Variants in ZFHX3 observed in about 807,000 individuals in gnomAD.
ZFHX3 encodes the protein zinc finger homeobox protein 3.
In ZFHX3, 42 loss-of-function variants were observed where a neutral mutation model predicts 279.1. That is an observed-to-expected ratio of 0.15 (90% CI 0.12 to 0.19). The LOEUF is 0.19. ZFHX3 is among the 10% of genes least tolerant of loss of function. The pLI, the probability that ZFHX3 is intolerant of heterozygous loss-of-function variation, is 1.00. For synonymous variants in ZFHX3, 2,293 were observed against 1,957.8 expected (o/e 1.17, Z -4.52); for missense variants, 4,981 against 4,754.0 (o/e 1.05, Z -1.40).
At chr16:72,954,769 G>T (rs72795129) in intron 2 of ZFHX3, among the ~76,000 whole-genome samples, 43,992 of 152,092 alleles carry the variant, frequency 0.29, 7,787 homozygotes, top group Middle Eastern at 0.38. Flanking sequence ...GACTGTACTA[G>T]GCGAAGGAGC....
intron 1 of ZFHX3, among the ~76,000 whole-genome samples, chr16:72,968,863 C>T (rs1485509839): frequency 2.0e-5 from 3 of 151,952 alleles, no homozygotes; most frequent in Non-Finnish European, 4.4e-5. Flanking sequence ...GGCACAATGC[C>T]TCGATTTTCA....
At position 73,292,974 on chromosome 16, in the gene ZFHX3, G is replaced by A. The variant is rs139267954; in HGVS notation, c.-1194+25266C>T. 1.6e-3 allele frequency among the ~76,000 whole-genome samples: 248 copies of A among 152,330 alleles called. 2 individuals are homozygous for A. Among genetic ancestry groups the A allele is most frequent in the African/African-American group, 5.7e-3 (236 of 41,574 alleles). The stretch of plus-strand genomic sequence containing the variant: ...GCCAAGTCAACACATCTGGGATTCA[G>A]AGATGGCATCTACCATGGAGGCAAG... On this transcript the variant is annotated intron_variant, in intron 4 of 17. Coordinates refer to the ZFHX3 transcript ENST00000641206.
chr16:73,145,725 A>G (rs1261601581), intron 5 of ZFHX3, among the ~76,000 whole-genome samples: 1 of 152,236 alleles, frequency 6.6e-6, no homozygotes, highest in Non-Finnish European at 1.5e-5. Context: ...GAGAGCTATG[A>G]GAGGTGATAC....
At chr16:73,008,068 ATC>A (rs1488469517) in intron 1 of ZFHX3, among the ~76,000 whole-genome samples, 3 of 151,788 alleles carry the variant, frequency 2.0e-5, no homozygotes, top group Non-Finnish European at 2.9e-5. Flanking sequence ...CAGTGTTTTT[ATC>A]TGTTTTTCTA....
intron 3 of ZFHX3, among the ~76,000 whole-genome samples, chr16:73,411,406 A>C (rs1270856259): frequency 6.6e-6 from 1 of 152,246 alleles, no homozygotes; most frequent in Non-Finnish European, 1.5e-5. Flanking sequence ...GTGTTGTTGA[A>C]CAAAAATCTT....
At chr16:73,269,898 G>A (rs547733117) in intron 4 of ZFHX3, among the ~76,000 whole-genome samples, 10 of 152,048 alleles carry the variant, frequency 6.6e-5, no homozygotes, top group South Asian at 2.1e-4. Flanking sequence ...AGAGGTGTGC[G>A]CCACCATGCC....
intron 2 of ZFHX3, among the ~76,000 whole-genome samples, chr16:73,516,318 GA>G (rs1209473737): frequency 1.3e-5 from 2 of 152,158 alleles, no homozygotes; most frequent in Non-Finnish European, 2.9e-5. Flanking sequence ...TGTAGAGTTA[GA>G]AAAGAAAATA....
intron 1 of ZFHX3, among the ~76,000 whole-genome samples, chr16:73,869,417 T>G (rs998446270): frequency 6.6e-6 from 1 of 152,168 alleles, no homozygotes; most frequent in Admixed American, 6.5e-5. Context: ...GCTAAGCAAC[T>G]GCAGAGAACT....
At chr16:73,584,649 A>G (rs2051904071) in intron 2 of ZFHX3, among the ~76,000 whole-genome samples, 1 of 152,200 alleles carries the variant, frequency 6.6e-6, no homozygotes, top group African/African-American at 2.4e-5. Context: ...TCAAAGATGA[A>G]GACGGGATAA....
chr16:73,807,713 C>T (rs896906255), intron 1 of ZFHX3, among the ~76,000 whole-genome samples: 3 of 149,254 alleles, frequency 2.0e-5, no homozygotes, highest in African/African-American at 7.4e-5. Flanking sequence ...TCAAGCAATC[C>T]ACCCACATCA....
intron 3 of ZFHX3, among the ~76,000 whole-genome samples, chr16:72,932,443 G>C (rs1351489064): frequency 1.3e-5 from 2 of 151,514 alleles, no homozygotes; most frequent in East Asian, 3.9e-4. Context: ...TTACTTAGGA[G>C]AGGAGATGGA....
intron 5 of ZFHX3, among the ~76,000 whole-genome samples, chr16:73,176,814 C>T (rs1032494270): frequency 1.7e-4 from 26 of 151,906 alleles, no homozygotes; most frequent in Non-Finnish European, 1.0e-4. Context: ...ATCTAATATG[C>T]TGGGAATGCA....
intron 4 of ZFHX3, among the ~76,000 whole-genome samples, chr16:72,869,205 T>C (rs2038093625): frequency 6.6e-6 from 1 of 152,144 alleles, no homozygotes. Flanking sequence ...TAAAAAATAC[T>C]GGGGAGACTA....
rs535347414 is a variant in ZFHX3 at position 72,936,149 on chromosome 16, G to A, written c.3216+14320C>T. On this transcript the variant is annotated intron_variant, in intron 3 of 9. Transcript: ENST00000268489. ...ATGGTAAATGACCTGGGCTGCAGAA[G>A]CTCTGCAATGACCTGGTCCACACAA... Among the ~76,000 whole-genome samples, 22 of 152,340 alleles carry A rather than the reference G, an allele frequency of 1.4e-4. No homozygotes were observed. The South Asian group carries it at 3.1e-3, about 22-fold the overall frequency.
intron 2 of ZFHX3, among the ~76,000 whole-genome samples, chr16:72,952,673 G>A (rs952327469): frequency 1.1e-4 from 16 of 152,190 alleles, no homozygotes; most frequent in African/African-American, 3.1e-4. Context: ...CGAAAGGGCC[G>A]GGCGAAGATC....
chr16:73,652,765 AAAAT>A (rs1434144560), intron 2 of ZFHX3, among the ~76,000 whole-genome samples: 1 of 152,196 alleles, frequency 6.6e-6, no homozygotes. Flanking sequence ...ATTTCTAGGA[AAAAT>A]AAATAAAAGA....
chr16:72,993,545 G>A (rs552958982), intron 1 of ZFHX3, among the ~76,000 whole-genome samples: 1 of 152,238 alleles, frequency 6.6e-6, no homozygotes, highest in African/African-American at 2.4e-5. Flanking sequence ...ATTGTCAGAC[G>A]AAAAGAATCA....
chr16:73,540,195 G>A (rs1358870177), intron 2 of ZFHX3, among the ~76,000 whole-genome samples: 5 of 152,216 alleles, frequency 3.3e-5, no homozygotes, highest in East Asian at 3.8e-4. Context: ...ATGGGTCCAA[G>A]AGGAAAACGT....
chr16:73,558,671 C>T (rs1165177600), intron 2 of ZFHX3: 1 of 153,200 alleles, frequency 6.5e-6, no homozygotes, highest in Non-Finnish European at 1.4e-5. Flanking sequence ...CACCTAAAGC[C>T]CCTCCCCCCA....
Sources: allele counts gnomAD v4.1 joint callset (sites outside exome capture counted in the v4.1 genomes callset), GRCh38; gene constraint gnomAD v4.1.1; transcripts MANE v1.5; gene names NCBI Gene and HGNC (gene_info 2026-07-23, HGNC 2026-07-21).